Variants in CPNE1 observed in about 807,000 individuals in gnomAD.
The protein encoded by CPNE1 is copine-1.
In CPNE1, 58 loss-of-function variants were observed where a neutral mutation model predicts 63.2. That is an observed-to-expected ratio of 0.92 (90% confidence interval 0.74 to 1.14). The LOEUF (loss-of-function observed/expected upper bound fraction) is 1.14. Ranked by LOEUF, CPNE1 falls within the 50% of genes most tolerant of loss-of-function variation. CPNE1 has a pLI of 0.00. For missense variants in CPNE1, 672 were observed against 661.7 expected, an observed-to-expected ratio of 1.02 and a Z score of -0.17; for synonymous variants, 237 against 249.0, an observed-to-expected ratio of 0.95 and a Z score of 0.45.
intron 1 of CPNE1, among the ~76,000 whole-genome samples, chr20:35,645,458 A>C (rs181008196): frequency 6.6e-6 from 1 of 152,332 alleles, no homozygotes; most frequent in East Asian, 1.9e-4. Flanking sequence ...ACCTAGTATA[A>C]GCACAACCAA....
chr20:35,634,549 G>A (rs1368991019), intron 1 of CPNE1, among the ~76,000 whole-genome samples: 14 of 151,914 alleles, frequency 9.2e-5, no homozygotes, highest in Admixed American at 2.6e-4. Context: ...AGCCGAGATC[G>A]CGCCACCGTA....
intron 5 of CPNE1, 68 bp from the exon 6 acceptor site, chr20:35,632,093 A>AC: frequency 6.2e-7 from 1 of 1,600,992 alleles, no homozygotes. Flanking sequence ...CTCTGTCCAC[A>AC]CCCCCATCCC....
intron 1 of CPNE1, among the ~76,000 whole-genome samples, chr20:35,641,385 AAG>A (rs1281680078): frequency 6.6e-6 from 1 of 152,210 alleles, no homozygotes; most frequent in Admixed American, 6.5e-5. Flanking sequence ...TGCAGTGGGC[AAG>A]AGTGTGGGTT....
rs1399839810 is a variant in CPNE1, at chr20:35,630,986, A to C, written c.910T>G (p.Ser304Ala). The change falls in exon 11 of 16, where the codon TCC becomes GCC. Residue 304 changes from serine to alanine, a missense_variant. By Grantham distance (99) the Ser-to-Ala change is moderately conservative (BLOSUM62 1). Coordinates refer to ENST00000397443, the MANE Select transcript of CPNE1 (RefSeq NM_152925.3). ...CCTGTTGGACTCAGGTAGTGTAGGG[A>C]GTCAGGTGAGGAGGGGTCTCCATTG... ...GSNGDPSSPD[S>A]LHYLSPTGVN... 1 of 1,614,030 alleles carries C rather than the reference A, an allele frequency of 6.2e-7. No individual in the cohort carries two copies. The highest frequency in any genetic ancestry group is 8.5e-7 in the Non-Finnish European group (1 of 1,180,018).
intron 1 of CPNE1, chr20:35,655,062 A>G (rs2033817085): frequency 6.2e-7 from 1 of 1,614,162 alleles, no homozygotes; most frequent in South Asian, 1.1e-5. Context: ...CAAAACGCCT[A>G]CGACTCAGTT....
chr20:35,635,607 G>C (rs911465187), intron 1 of CPNE1, among the ~76,000 whole-genome samples: 2 of 152,028 alleles, frequency 1.3e-5, no homozygotes, highest in Non-Finnish European at 2.9e-5. Flanking sequence ...CAGACCTCTT[G>C]TTATCCCTGT....
chr20:35,634,077 T>C (rs953901719), intron 1 of CPNE1, among the ~76,000 whole-genome samples: 8 of 150,370 alleles, frequency 5.3e-5, no homozygotes, highest in African/African-American at 1.7e-4. Flanking sequence ...CTGGCTAACA[T>C]GGTGAGACCC....
At chr20:35,653,418 T>C (rs756864140) in intron 1 of CPNE1, 1 of 1,614,144 alleles carries the variant, frequency 6.2e-7, no homozygotes, top group Non-Finnish European at 8.5e-7. Flanking sequence ...ATCCCTTTTT[T>C]CCTTGGGCAG....
rs747945877 is a variant in CPNE1, at chr20:35,632,001, A to G, written c.481T>C (p.Phe161Leu). ...TCACCCTGGCGGAAGAACTCCAGAAATGGATCTGATTTTCCCAGGAAGTCC... is the reference window on the plus strand; with the variant it reads ...TCACCCTGGCGGAAGAACTCCAGAAGTGGATCTGATTTTCCCAGGAAGTCC... ...KKDFLGKSDP[F>L]LEFFRQGDGK... The change falls in exon 6 of 16, where the codon TTT becomes CTT. Residue 161 changes from phenylalanine to leucine, a missense_variant. Phe to Leu is a conservative substitution (Grantham distance 22, BLOSUM62 0). Transcript: ENST00000397443. The G allele has an allele frequency of 6.2e-7, 1 of 1,614,102 alleles. No homozygotes were observed. Among genetic ancestry groups the G allele is most frequent in the Non-Finnish European group, 8.5e-7 (1 of 1,179,998 alleles).
rs138915422 is a variant in CPNE1 at position 35,627,359 on chromosome 20, T to C, written c.1157A>G (p.Tyr386Cys). The change falls in exon 14 of 16, where the codon TAT becomes TGT. Residue 386 changes from tyrosine (Y) to cysteine (C), a missense_variant. Transcript: ENST00000397443. ...YRQALPQVRL[Y>C]GPTNFAPIIN... Reference sequence around the variant, plus strand: ...GATGGGTGCAAAGTTGGTAGGGCCATAGAGGCGAACTTGGGGCAGGGCTTG... The same window carrying C: ...GATGGGTGCAAAGTTGGTAGGGCCACAGAGGCGAACTTGGGGCAGGGCTTG... The C allele has an allele frequency of 5.8e-5, 94 of 1,614,008 alleles. No homozygotes were observed. In the African/African-American group the frequency reaches 7.5e-4, roughly 13 times the overall value.
rs371307358 is a variant in CPNE1, at chr20:35,631,552, G to C, written c.654C>G (p.Asp218Glu). 1.2e-6 allele frequency: 2 copies of C among 1,613,820 alleles called. No homozygotes were observed. Among genetic ancestry groups the C allele is most frequent in the Non-Finnish European group, 1.7e-6 (2 of 1,179,930 alleles). The change falls in exon 8 of 16, where the codon GAC becomes GAG. Residue 218 changes from aspartate to glutamate, a missense_variant. Transcript: ENST00000397443. ...IQVQCSDYDSDGSHDLIGTFH... is the reference protein window; with the variant it reads ...IQVQCSDYDSEGSHDLIGTFH... ...AGGTACCGATGAGATCATGTGACCC[G>C]TCACTGTCATAATCGGAGCATTGCA...
At chr20:35,663,210 C>A (rs1179992370) in intron 1 of CPNE1, among the ~76,000 whole-genome samples, 1 of 152,146 alleles carries the variant, frequency 6.6e-6, no homozygotes, top group Non-Finnish European at 1.5e-5. Flanking sequence ...ATCAAAACTG[C>A]CAAATTTCAA....
intron 1 of CPNE1, among the ~76,000 whole-genome samples, chr20:35,645,982 C>T (rs1409744067): frequency 6.6e-6 from 1 of 152,032 alleles, no homozygotes; most frequent in Non-Finnish European, 1.5e-5. Flanking sequence ...GTGGCTCACA[C>T]CTGTAATCCC....
At chr20:35,650,145 G>C (rs954139420) in intron 1 of CPNE1, 2 of 152,546 alleles carry the variant, frequency 1.3e-5, no homozygotes, top group Non-Finnish European at 2.9e-5. Context: ...CAAAAATCAA[G>C]TTCCAGAGGG....
rs1218451554 is a variant in CPNE1 at position 35,626,366 on chromosome 20, A to G, written c.1489T>C (p.Leu497=). ...ACTTCTGCGAGCACGGTCTGTGCCA[A>G]TGCCTCCCGAGGGGCCTGCCAAGAA... is the stretch of plus-strand genomic sequence containing the variant. ...RRFQNAPREA[L]AQTVLAEVPT... is the part of the protein sequence containing the mutation. Residue 497 remains leucine, a synonymous_variant, in exon 16 of 16, where the codon TTG becomes CTG. Transcript: ENST00000397443. The G allele has an allele frequency of 2.5e-6, 4 of 1,613,998 alleles. No individual in the cohort carries two copies. Among genetic ancestry groups the G allele is most frequent in the South Asian group, 1.1e-5 (1 of 91,082 alleles).
At chr20:35,661,665 T>C (rs1006500384) in intron 1 of CPNE1, among the ~76,000 whole-genome samples, 3 of 152,204 alleles carry the variant, frequency 2.0e-5, no homozygotes, top group Admixed American at 2.0e-4. Context: ...AAATTTAACA[T>C]ATTATGGCAA....
At position 35,632,988 on chromosome 20, in the gene CPNE1, C is replaced by T. The variant is rs1601426222; in HGVS notation, c.1-65G>A. ...CTCTCCCCTTCCCCGACTACAGGTCCCAGCTTGGGAAGGCCAGCAGGCATC... is the reference window on the plus strand; with the variant it reads ...CTCTCCCCTTCCCCGACTACAGGTCTCAGCTTGGGAAGGCCAGCAGGCATC... On this transcript the variant is annotated intron_variant, in intron 1 of 15. Transcript: ENST00000397443. 12 of 825,502 alleles carry T rather than the reference C, an allele frequency of 1.5e-5. 1 individual carries two copies. The South Asian group carries it at 1.7e-4, about 12-fold the overall frequency. 51.1% of individuals were successfully genotyped at this position (825,502 alleles called of 1,614,324 possible). A position where few individuals can be genotyped will look rare whatever the true frequency, so the allele number is the denominator to read the frequency against.
intron 1 of CPNE1, chr20:35,655,145 T>G: frequency 1.2e-6 from 2 of 1,614,224 alleles, no homozygotes; most frequent in Non-Finnish European, 1.7e-6. Context: ...GTACCACCTG[T>G]GCGCATCATA....
chr20:35,640,088 ATT>A lies in CPNE1; in HGVS notation c.1-7167_1-7166del, dbSNP rs1440741814. Among the ~76,000 whole-genome samples the A allele has an allele frequency of 4.6e-5, 7 of 151,450 alleles. No individual in the cohort carries two copies. The East Asian group carries it at 1.2e-3, about 25-fold the overall frequency. On this transcript the variant is annotated intron_variant, in intron 1 of 15. Transcript: ENST00000397443. Reference sequence around the variant, plus strand: ...CCTGTGCAAGCAGTTTTGTTCACAGATTTGTCTCCTTTTCTTTCTCATTGGAA... The same window carrying A: ...CCTGTGCAAGCAGTTTTGTTCACAGATGTCTCCTTTTCTTTCTCATTGGAA...
Sources: allele counts gnomAD v4.1 joint callset (sites outside exome capture counted in the v4.1 genomes callset), GRCh38; gene constraint gnomAD v4.1.1; transcripts MANE v1.5; gene names NCBI Gene and HGNC (gene_info 2026-07-23, HGNC 2026-07-21).